Variants in ZNF718 observed in about 807,000 individuals in gnomAD.
The protein encoded by ZNF718 is zinc finger protein 718.
In ZNF718, 3 loss-of-function variants were observed where a neutral mutation model predicts 2.6. The observed-to-expected ratio is 1.16, with a 90% confidence interval of 0.53 to 3.01. ZNF718 has a LOEUF of 3.01. ZNF718 is among the 30% of genes most tolerant of loss of function. The pLI is 0.03. For missense variants in ZNF718, 468 were observed against 230.0 expected (o/e 2.03, Z -6.69); for synonymous variants, 135 against 77.9 (o/e 1.73, Z -3.86).
chr4:161,439 G>C lies in ZNF718; in HGVS notation c.754G>C (p.Glu252Gln), dbSNP rs1179123240. Residue 252 changes from glutamate to glutamine, a missense_variant, in exon 4 of 4, where the codon GAG becomes CAG. Coordinates refer to ENST00000510175, the MANE Select transcript of ZNF718 (RefSeq NM_001039127.6). ...TAAACATAAGAGAATTCATACTGGA[G>C]AGAAACCCTACATATGTGAAAAATG... ...LTKHKRIHTG[E>Q]KPYICEKCGK... is the part of the protein sequence containing the mutation. 3 of 780,336 alleles carry C rather than the reference G, an allele frequency of 3.8e-6. No homozygotes were observed. The African/African-American group carries it at 5.1e-5, about 13-fold the overall frequency. The allele number at this position is 780,336 out of a possible 1,614,324, so 48.3% of individuals were successfully genotyped here.
chr4:141,255 T>C (rs1297185011), intron 3 of ZNF718, among the ~76,000 whole-genome samples: 1 of 152,202 alleles, frequency 6.6e-6, no homozygotes, highest in Admixed American at 6.5e-5. Context: ...TTTAAAAAGG[T>C]TATTCATAAA....
chr4:159,040 C>CT (rs201288037), intron 3 of ZNF718, among the ~76,000 whole-genome samples: 3,452 of 136,350 alleles, frequency 0.025, 133 homozygotes, highest in African/African-American at 0.082. Context: ...TTTCTTTTTT[C>CT]TTTTTTTTTT....
chr4:125,573 G>A (rs782294130), intron 1 of ZNF718, among the ~76,000 whole-genome samples: 5 of 152,196 alleles, frequency 3.3e-5, no homozygotes, highest in Non-Finnish European at 7.3e-5. Context: ...AGTCTGGGTT[G>A]GAGGAAGTCA....
intron 3 of ZNF718, among the ~76,000 whole-genome samples, chr4:174,775 A>G (rs1164026040): frequency 2.0e-5 from 3 of 152,188 alleles, no homozygotes; most frequent in African/African-American, 7.2e-5. Flanking sequence ...CAAATAAATT[A>G]TCTCTTGATT....
At chr4:194,671 A>G (rs142078171) in intron 3 of ZNF718, among the ~76,000 whole-genome samples, 1 of 152,316 alleles carries the variant, frequency 6.6e-6, no homozygotes, top group East Asian at 1.9e-4. Flanking sequence ...AAACATCAAT[A>G]TAGCCGTCAG....
chr4:160,295 A>T (rs55992919), intron 3 of ZNF718, among the ~76,000 whole-genome samples: 2 of 152,214 alleles, frequency 1.3e-5, no homozygotes, highest in African/African-American at 4.8e-5. Context: ...GAAGAGCTGC[A>T]GTGGGTAAAT....
downstream of ZNF718, among the ~76,000 whole-genome samples, chr4:166,666 T>TTA (rs1553816907): frequency 6.6e-6 from 1 of 152,240 alleles, no homozygotes; most frequent in East Asian, 1.9e-4. Flanking sequence ...AAGTGTCTTT[T>TTA]TATATCCTTC....
chr4:146,758 TAC>T (rs2108791887), intron 3 of ZNF718, among the ~76,000 whole-genome samples: 1 of 150,190 alleles, frequency 6.7e-6, no homozygotes, highest in East Asian at 2.0e-4. Context: ...TCAAATGACT[TAC>T]GTTTGCTGGG....
At chr4:196,920 T>C (rs893098510) in intron 3 of ZNF718, among the ~76,000 whole-genome samples, 1 of 151,436 alleles carries the variant, frequency 6.6e-6, no homozygotes, top group Non-Finnish European at 1.5e-5. Flanking sequence ...TGGTCTGATA[T>C]TACTCACTGC....
chr4:147,122 C>T (rs1716102071), intron 3 of ZNF718, among the ~76,000 whole-genome samples: 1 of 152,116 alleles, frequency 6.6e-6, no homozygotes, highest in Non-Finnish European at 1.5e-5. Flanking sequence ...AGGTGTGCAC[C>T]ACCACACCTG....
At chr4:139,152 C>T (rs1553809900) in intron 3 of ZNF718, among the ~76,000 whole-genome samples, 1 of 152,082 alleles carries the variant, frequency 6.6e-6, no homozygotes, top group African/African-American at 2.4e-5. Context: ...TTCATTTTTG[C>T]GTTGGCTGCC....
intron 3 of ZNF718, among the ~76,000 whole-genome samples, chr4:148,317 C>A (rs1192009847): frequency 6.6e-6 from 1 of 152,002 alleles, no homozygotes; most frequent in Non-Finnish European, 1.5e-5. Context: ...ACATCAAAAT[C>A]CACCATCAGG....
intron 3 of ZNF718, among the ~76,000 whole-genome samples, chr4:173,942 T>C (rs969610199): frequency 1.2e-4 from 18 of 152,206 alleles, no homozygotes; most frequent in Non-Finnish European, 1.9e-4. Context: ...ACTACAGATG[T>C]AATGACAAAG....
chr4:188,334 G>A lies in ZNF718; in HGVS notation c.227-12747G>A, dbSNP rs138421849. Among the ~76,000 whole-genome samples, 358 of 152,316 alleles carry A rather than the reference G, an allele frequency of 2.4e-3. 3 individuals are homozygous for A. The highest frequency in any genetic ancestry group is 7.9e-3 in the African/African-American group (328 of 41,578). On this transcript the variant is annotated intron_variant and NMD_transcript_variant, in intron 3 of 4. Coordinates refer to the ZNF718 transcript ENST00000642529. ...GTGCTGTGGGGTCCCTTCCTCATTC[G>A]GATTGTTTGGATTCTCCAAAGCCAA...
chr4:189,289 G>T (rs1215206878), intron 3 of ZNF718, among the ~76,000 whole-genome samples: 1 of 151,764 alleles, frequency 6.6e-6, no homozygotes, highest in Non-Finnish European at 1.5e-5. Context: ...TTGAATATTA[G>T]ATATATCTTT....
rs558206589 is a variant in ZNF718, at chr4:195,926, TTCTG to T, written c.227-5151_227-5148del. On this transcript the variant is annotated intron_variant and NMD_transcript_variant, in intron 3 of 4. Transcript: ENST00000642529. ...TAGGGCACACTTTTTTCTTTACTAC[TTCTG>T]TCTTTCTCTTTTTTTCTCTCTTTGA... Among the ~76,000 whole-genome samples, 310 of 152,248 alleles carry T rather than the reference TTCTG, an allele frequency of 2.0e-3. 2 individuals carry two copies. Among genetic ancestry groups the T allele is most frequent in the Non-Finnish European group, 3.6e-3 (246 of 68,010 alleles).
intron 1 of ZNF718, 105 bp downstream of exon 1, chr4:124,778 C>G: frequency 6.7e-7 from 1 of 1,503,052 alleles, no homozygotes; most frequent in Non-Finnish European, 9.0e-7. Context: ...CCGCTCAGCC[C>G]TCTGTCCTCA....
At chr4:124,479 T>TGCGGCATCCGGGATCTGGC (rs1553807456), upstream of ZNF718, 2 of 667,248 alleles carry the variant, frequency 3.0e-6, no homozygotes, top group East Asian at 5.9e-5. Context: ...GAGAGGAGGG[T>TGCGGCATCCGGGATCTGGC]GCGGCATCCG....
In ZNF718 at chr4:132,554, T is replaced by C. The variant is rs1325301033; in HGVS notation, c.226+1049T>C. 4.8e-5 allele frequency among the ~76,000 whole-genome samples: 5 copies of C among 103,730 alleles called. 2 individuals carry two copies. The highest frequency in any genetic ancestry group is 1.1e-4 in the Non-Finnish European group (5 of 46,576). The allele number at this position is 103,730 out of a possible 152,430, so 68.1% of individuals were successfully genotyped here. The stretch of plus-strand genomic sequence containing the variant: ...ATGTGTACGGTGACTAGTGGATATA[T>C]TGGGATTTGGTTCAGAGATCCCAGG... On this transcript the variant is annotated intron_variant, in intron 3 of 3. Transcript: ENST00000510175.
Sources: allele counts gnomAD v4.1 joint callset (sites outside exome capture counted in the v4.1 genomes callset), GRCh38; gene constraint gnomAD v4.1.1; transcripts MANE v1.5; gene names NCBI Gene and HGNC (gene_info 2026-07-23, HGNC 2026-07-21).